FBXW8: variants seen among roughly 807,000 people sequenced by gnomAD.
The protein encoded by FBXW8 is F-box/WD repeat-containing protein 8.
A neutral mutation model predicts 65.3 loss-of-function variants in FBXW8; 57 were observed. That is an observed-to-expected ratio of 0.87 (90% CI 0.71 to 1.09). The LOEUF (loss-of-function observed/expected upper bound fraction) is 1.09, where lower values mean the gene tolerates loss of function less well. Among genes scored for constraint, FBXW8 ranks in the 50% least tolerant of loss-of-function variants. The probability of loss-of-function intolerance (pLI) is 0.00; values close to 1 mark genes in which losing one functional copy is unlikely to be tolerated. For synonymous variants in FBXW8, 308 were observed against 330.2 expected (o/e 0.93, Z 0.73); for missense variants, 777 against 814.8 (o/e 0.95, Z 0.57).
chr12:116,966,562 A>G (rs1481960126), intron 5 of FBXW8, among the ~76,000 whole-genome samples: 1 of 152,206 alleles, frequency 6.6e-6, no homozygotes, highest in Non-Finnish European at 1.5e-5. Context: ...ATTGATTTGC[A>G]GCCCATGTCT....
chr12:117,013,691 A>G (rs1289319939), intron 8 of FBXW8, among the ~76,000 whole-genome samples: 1 of 152,190 alleles, frequency 6.6e-6, no homozygotes, highest in Non-Finnish European at 1.5e-5. Flanking sequence ...CATTTTTAAA[A>G]GTTACACAAA....
At chr12:116,996,733 T>C (rs1374325062) in intron 7 of FBXW8, among the ~76,000 whole-genome samples, 1 of 152,224 alleles carries the variant, frequency 6.6e-6, no homozygotes, top group Non-Finnish European at 1.5e-5. Context: ...TTTTCTGGGC[T>C]GTTGAGTGAT....
chr12:116,921,611 C>T (rs747377205), intron 1 of FBXW8, among the ~76,000 whole-genome samples: 19 of 152,150 alleles, frequency 1.2e-4, no homozygotes, highest in Non-Finnish European at 2.5e-4. Context: ...CACCTCCCTC[C>T]CCCTAGCACC....
At chr12:116,939,800 C>T (rs995464720) in intron 2 of FBXW8, among the ~76,000 whole-genome samples, 4 of 152,170 alleles carry the variant, frequency 2.6e-5, no homozygotes, top group Non-Finnish European at 5.9e-5. Context: ...GGGACATACT[C>T]TGCTCTGGGA....
intron 8 of FBXW8, among the ~76,000 whole-genome samples, chr12:117,018,317 T>C (rs989055015): frequency 3.9e-5 from 6 of 152,272 alleles, no homozygotes; most frequent in African/African-American, 1.4e-4. Context: ...GCAAAGTTGA[T>C]GAAATACTCG....
chr12:117,018,006 C>T (rs1301341278), intron 8 of FBXW8, among the ~76,000 whole-genome samples: 1 of 152,088 alleles, frequency 6.6e-6, no homozygotes. Flanking sequence ...TGCATTTGCT[C>T]CATCTGCAAG....
At chr12:117,020,111 G>T (rs1193420250) in intron 8 of FBXW8, among the ~76,000 whole-genome samples, 1 of 152,326 alleles carries the variant, frequency 6.6e-6, no homozygotes, top group African/African-American at 2.4e-5. Flanking sequence ...CAGTCAGCCT[G>T]TGTAGTTCTG....
At chr12:116,920,400 T>C (rs1416817769) in intron 1 of FBXW8, among the ~76,000 whole-genome samples, 2 of 152,216 alleles carry the variant, frequency 1.3e-5, no homozygotes, top group African/African-American at 4.8e-5. Flanking sequence ...ACTGAGAATA[T>C]AGCATTGAAC....
In FBXW8 at chr12:116,988,919, T is replaced by G. The variant is rs767828566; in HGVS notation, c.1239+50T>G. The G allele has an allele frequency of 3.9e-6, 6 of 1,527,618 alleles. No individual in the cohort carries two copies. The South Asian group carries it at 5.9e-5, about 15-fold the overall frequency. 94.6% of individuals were successfully genotyped at this position (1,527,618 alleles called of 1,614,324 possible). On this transcript the variant is annotated intron_variant, in intron 7 of 10. Coordinates refer to ENST00000652555, the MANE Select transcript of FBXW8 (RefSeq NM_153348.3). The stretch of plus-strand genomic sequence containing the variant: ...TTAACAAAAAAGAATATAGATTTAT[T>G]TTTTAGAAGGGAATTGAAAAATTAA...
intron 2 of FBXW8, among the ~76,000 whole-genome samples, chr12:116,939,488 A>G (rs1882409556): frequency 6.6e-6 from 1 of 152,204 alleles, no homozygotes; most frequent in Non-Finnish European, 1.5e-5. Flanking sequence ...TCCTTTTCTA[A>G]GGAACTTATT....
chr12:116,915,157 C>T (rs563106780), intron 1 of FBXW8, among the ~76,000 whole-genome samples: 1 of 152,320 alleles, frequency 6.6e-6, no homozygotes, highest in South Asian at 2.1e-4. Context: ...ATTCCTGTGT[C>T]AGTGGTTGCA....
chr12:116,928,728 A>G (rs1881535880), intron 2 of FBXW8, among the ~76,000 whole-genome samples: 1 of 152,076 alleles, frequency 6.6e-6, no homozygotes, highest in East Asian at 1.9e-4. Flanking sequence ...ATTTAGGCCA[A>G]ACTGCATTGT....
intron 4 of FBXW8, among the ~76,000 whole-genome samples, chr12:116,951,933 C>A (rs1206123417): frequency 6.6e-6 from 1 of 152,212 alleles, no homozygotes; most frequent in African/African-American, 2.4e-5. Context: ...ACATTCTTTC[C>A]AAAGCATTTG....
chr12:116,944,660 T>G (rs1355741451), intron 2 of FBXW8, among the ~76,000 whole-genome samples: 1 of 152,156 alleles, frequency 6.6e-6, no homozygotes. Context: ...TTGCACATGA[T>G]CCTGTGATTA....
intron 10 of FBXW8, 61 bp downstream of exon 10, chr12:117,027,565 A>ACCCCCC (rs939023355): frequency 6.1e-6 from 7 of 1,151,172 alleles, no homozygotes; most frequent in Middle Eastern, 2.5e-4. Context: ...ATAGAACCCC[A>ACCCCCC]CCCCCCCCGC....
chr12:116,984,269 G>A (rs955875734), intron 5 of FBXW8, among the ~76,000 whole-genome samples: 2 of 152,192 alleles, frequency 1.3e-5, no homozygotes. Context: ...CATCCCCAGA[G>A]TTACTGGTGC....
intron 10 of FBXW8, 83 bp downstream of exon 10, chr12:117,027,587 G>A (rs1954264687): frequency 2.9e-6 from 3 of 1,051,752 alleles, no homozygotes; most frequent in South Asian, 1.3e-5. Flanking sequence ...GTGACACATT[G>A]CACCCTATGG....
intron 2 of FBXW8, among the ~76,000 whole-genome samples, chr12:116,939,855 A>G (rs887085868): frequency 1.4e-4 from 22 of 152,202 alleles, no homozygotes; most frequent in South Asian, 4.1e-4. Flanking sequence ...ACATTGGTCT[A>G]TCCCTATCTG....
At chr12:116,958,425 T>C (rs1456427371) in intron 4 of FBXW8, among the ~76,000 whole-genome samples, 1 of 152,254 alleles carries the variant, frequency 6.6e-6, no homozygotes, top group Non-Finnish European at 1.5e-5. Context: ...TCTTGAAATG[T>C]GGACACTGCA....
Sources: gnomAD v4.1 joint callset for allele counts (sites outside exome capture counted in the v4.1 genomes callset) on GRCh38, gnomAD v4.1.1 for gene constraint, MANE v1.5 for transcripts, NCBI Gene and HGNC (gene_info 2026-07-23, HGNC 2026-07-21) for gene names.